GRID1: variants seen among roughly 807,000 people sequenced by gnomAD.
GRID1 encodes the protein glutamate receptor ionotropic, delta-1.
A neutral mutation model predicts 98.0 loss-of-function variants in GRID1; 28 were observed. The ratio of observed to expected loss-of-function variants is 0.29; its 90% CI spans 0.21 to 0.39. The LOEUF (loss-of-function observed/expected upper bound fraction) is 0.39, where lower values mean the gene tolerates loss of function less well. Among genes scored for constraint, GRID1 ranks in the 10% least tolerant of loss-of-function variants. The probability of loss-of-function intolerance (pLI) is 1.00; values close to 1 mark genes in which losing one functional copy is unlikely to be tolerated. For missense variants in GRID1, 1,111 were observed against 1,340.5 expected, an observed-to-expected ratio of 0.83 and a Z score of 2.67; for synonymous variants, 553 against 538.5, an observed-to-expected ratio of 1.03 and a Z score of -0.37.
At chr10:85,815,141 C>T (rs1459068947) in intron 8 of GRID1, among the ~76,000 whole-genome samples, 2 of 151,912 alleles carry the variant, frequency 1.3e-5, no homozygotes, top group Non-Finnish European at 2.9e-5. Context: ...CACTGAAAAC[C>T]TGAGAGAAAA....
rs549102122 is a variant in GRID1, at chr10:86,107,949, C to T, written c.726+30870G>A. On this transcript the variant is annotated intron_variant, in intron 4 of 15. Transcript: ENST00000327946. ...ACCTTGCACTCATTCTCCAAGCCCA[C>T]GTGTGATCCAATTCTTCCAGTACAT... is the stretch of plus-strand genomic sequence containing the variant. Among the ~76,000 whole-genome samples the T allele has an allele frequency of 5.9e-5, 9 of 152,318 alleles. 1 individual carries two copies. Among genetic ancestry groups the T allele is most frequent in the African/African-American group, 1.9e-4 (8 of 41,566 alleles).
chr10:85,692,061 C>T (rs768665522), intron 12 of GRID1, among the ~76,000 whole-genome samples: 7 of 152,152 alleles, frequency 4.6e-5, no homozygotes, highest in Non-Finnish European at 1.0e-4. Context: ...TCGTCAGTAG[C>T]TCCATTTATG....
chr10:85,975,017 A>G (rs1013659730), intron 4 of GRID1, among the ~76,000 whole-genome samples: 7 of 152,188 alleles, frequency 4.6e-5, no homozygotes, highest in African/African-American at 1.7e-4. Context: ...CCCTGCTTAA[A>G]ATTCTGTGTT....
At chr10:85,764,684 C>T (rs992946701) in intron 8 of GRID1, among the ~76,000 whole-genome samples, 1 of 152,194 alleles carries the variant, frequency 6.6e-6, no homozygotes, top group Admixed American at 6.5e-5. Flanking sequence ...TCAAGTTTAT[C>T]TTCCTCTCCA....
chr10:85,877,669 G>GA (rs371487225), intron 5 of GRID1, among the ~76,000 whole-genome samples: 11,334 of 152,076 alleles, frequency 0.075, 483 homozygotes, highest in Middle Eastern at 0.14. Flanking sequence ...CAAAGATGGG[G>GA]AAAAAACAGA....
chr10:85,923,424 G>A (rs543188683), intron 4 of GRID1, among the ~76,000 whole-genome samples: 4 of 152,292 alleles, frequency 2.6e-5, no homozygotes, highest in Non-Finnish European at 4.4e-5. Context: ...GAAGAAAGCT[G>A]AACCTGCCTC....
intron 4 of GRID1, among the ~76,000 whole-genome samples, chr10:86,015,157 C>T (rs1456000499): frequency 1.3e-5 from 2 of 152,230 alleles, no homozygotes; most frequent in Non-Finnish European, 2.9e-5. Context: ...AAAGTCTCAT[C>T]TGAGCAGAGA....
At chr10:85,728,879 T>A (rs1231458658) in intron 9 of GRID1, among the ~76,000 whole-genome samples, 1 of 152,214 alleles carries the variant, frequency 6.6e-6, no homozygotes, top group Non-Finnish European at 1.5e-5. Context: ...TAGTGTCTGC[T>A]GGGAGAGAGG....
chr10:86,363,635 C>A (rs1848633316), intron 2 of GRID1, among the ~76,000 whole-genome samples: 1 of 152,292 alleles, frequency 6.6e-6, no homozygotes, highest in East Asian at 1.9e-4. Flanking sequence ...CCCCGAGCCA[C>A]GCACGCCTGC....
intron 8 of GRID1, among the ~76,000 whole-genome samples, chr10:85,811,480 T>A (rs1167740245): frequency 1.5e-5 from 2 of 132,760 alleles, no homozygotes; most frequent in Non-Finnish European, 3.2e-5. Flanking sequence ...AGTATCTGCA[T>A]TAAAAATTAA....
At chr10:86,019,063 T>C (rs755884458) in intron 4 of GRID1, among the ~76,000 whole-genome samples, 2 of 152,214 alleles carry the variant, frequency 1.3e-5, no homozygotes, top group Non-Finnish European at 2.9e-5. Context: ...GTGCCTCTTA[T>C]AGGACAAGAT....
intron 8 of GRID1, among the ~76,000 whole-genome samples, chr10:85,758,340 T>C (rs3011702): frequency 0.67 from 102,552 of 152,140 alleles, 34,926 homozygotes; most frequent in East Asian, 0.87. Flanking sequence ...CTCTGCTCCA[T>C]GTGCCATCAG....
chr10:85,885,052 G>A (rs1433766317), intron 5 of GRID1, among the ~76,000 whole-genome samples: 1 of 152,142 alleles, frequency 6.6e-6, no homozygotes, highest in Non-Finnish European at 1.5e-5. Context: ...ATTGCTTCAT[G>A]CACTACATAA....
At chr10:85,790,613 G>C (rs1365375084) in intron 8 of GRID1, among the ~76,000 whole-genome samples, 2 of 152,148 alleles carry the variant, frequency 1.3e-5, no homozygotes, top group African/African-American at 4.8e-5. Context: ...CTAGGTTTGG[G>C]GCAGGCCCTG....
intron 4 of GRID1, among the ~76,000 whole-genome samples, chr10:86,122,622 G>A (rs959427620): frequency 6.6e-6 from 1 of 152,220 alleles, no homozygotes; most frequent in Non-Finnish European, 1.5e-5. Flanking sequence ...GCTAAAAGTA[G>A]CCAGATTTGA....
chr10:85,856,418 C>T (rs1843110471), intron 6 of GRID1, among the ~76,000 whole-genome samples: 1 of 152,176 alleles, frequency 6.6e-6, no homozygotes, highest in African/African-American at 2.4e-5. Context: ...GTGGGATGTG[C>T]ATGTGTACAT....
At chr10:86,033,885 A>G (rs1843219613) in intron 4 of GRID1, among the ~76,000 whole-genome samples, 1 of 152,214 alleles carries the variant, frequency 6.6e-6, no homozygotes, top group Admixed American at 6.5e-5. Flanking sequence ...AAGGAAAAAG[A>G]AGGATGCCAA....
chr10:85,712,247 A>T (rs1419101356), intron 12 of GRID1, among the ~76,000 whole-genome samples: 3 of 151,834 alleles, frequency 2.0e-5, no homozygotes, highest in Non-Finnish European at 4.4e-5. Flanking sequence ...TGATCCAACT[A>T]TATGCTCTGT....
intron 8 of GRID1, among the ~76,000 whole-genome samples, chr10:85,775,194 G>A (rs1842317488): frequency 6.6e-6 from 1 of 152,088 alleles, no homozygotes; most frequent in African/African-American, 2.4e-5. Flanking sequence ...GATGAAAGTG[G>A]AAATCATCAT....
Sources: gnomAD v4.1 joint callset for allele counts (sites outside exome capture counted in the v4.1 genomes callset) on GRCh38, gnomAD v4.1.1 for gene constraint, MANE v1.5 for transcripts, NCBI Gene and HGNC (gene_info 2026-07-23, HGNC 2026-07-21) for gene names.